Variants in FGGY observed in about 807,000 individuals in gnomAD.
FGGY encodes the protein FGGY carbohydrate kinase domain-containing protein.
FGGY carries 72 observed loss-of-function variants against 71.3 expected under a neutral mutation model. That is an observed-to-expected ratio of 1.01 (90% CI 0.84 to 1.23). The LOEUF is 1.23. FGGY is among the 50% of genes most tolerant of loss of function. The pLI is 0.00. For missense variants in FGGY, 668 were observed against 682.3 expected (o/e 0.98, Z 0.23); for synonymous variants, 251 against 250.3 (o/e 1.00, Z -0.02).
At chr1:59,464,347 C>T (rs1308839702) in intron 6 of FGGY, among the ~76,000 whole-genome samples, 1 of 152,186 alleles carries the variant, frequency 6.6e-6, no homozygotes, top group Non-Finnish European at 1.5e-5. Flanking sequence ...ACCAGAATCT[C>T]TGGGACACGT....
intron 14 of FGGY, among the ~76,000 whole-genome samples, chr1:59,720,008 C>A (rs9436182): frequency 0.77 from 117,640 of 152,076 alleles, 45,899 homozygotes; most frequent in Middle Eastern, 0.91. Context: ...AAGTCAAGGT[C>A]AGAGCAAAGT....
chr1:59,658,879 T>C (rs981785960), intron 11 of FGGY, among the ~76,000 whole-genome samples: 9 of 152,160 alleles, frequency 5.9e-5, no homozygotes, highest in African/African-American at 2.2e-4. Context: ...AGATCAAATG[T>C]ACAAAACTTT....
chr1:59,456,097 A>G (rs2091659394), intron 5 of FGGY, among the ~76,000 whole-genome samples: 1 of 152,158 alleles, frequency 6.6e-6, no homozygotes, highest in Non-Finnish European at 1.5e-5. Context: ...ACATGTAGCG[A>G]GAGTAGTATA....
chr1:59,568,113 G>A (rs373374512), intron 8 of FGGY, among the ~76,000 whole-genome samples: 35 of 152,146 alleles, frequency 2.3e-4, no homozygotes, highest in South Asian at 1.2e-3. Flanking sequence ...ACCTGTAATC[G>A]TGCATACTAA....
At chr1:59,447,435 A>G (rs1350021376) in intron 5 of FGGY, among the ~76,000 whole-genome samples, 1 of 152,166 alleles carries the variant, frequency 6.6e-6, no homozygotes, top group Non-Finnish European at 1.5e-5. Flanking sequence ...AAAAGCAGAT[A>G]CTGAATCAGT....
chr1:59,556,075 G>A (rs1283873382), intron 8 of FGGY, among the ~76,000 whole-genome samples: 3 of 152,234 alleles, frequency 2.0e-5, no homozygotes, highest in Non-Finnish European at 4.4e-5. Context: ...TGTCCCTGAA[G>A]GGAGAGATCT....
At chr1:59,712,239 C>G (rs1329723937) in intron 14 of FGGY, among the ~76,000 whole-genome samples, 2 of 152,258 alleles carry the variant, frequency 1.3e-5, no homozygotes, top group African/African-American at 4.8e-5. Flanking sequence ...AGGTCACACT[C>G]ATGCAAGATG....
intron 12 of FGGY, among the ~76,000 whole-genome samples, chr1:59,664,774 CTT>C (rs2097308567): frequency 6.6e-6 from 1 of 152,214 alleles, no homozygotes; most frequent in Non-Finnish European, 1.5e-5. Context: ...GAGCTGGACA[CTT>C]CTACAAGTTT....
chr1:59,537,083 T>C (rs1453891183), intron 7 of FGGY, among the ~76,000 whole-genome samples: 3 of 151,330 alleles, frequency 2.0e-5, no homozygotes, highest in African/African-American at 7.3e-5. Flanking sequence ...GACATGATTG[T>C]ATATCTAGAA....
At chr1:59,722,378 G>A (rs1445269646) in intron 14 of FGGY, among the ~76,000 whole-genome samples, 4 of 152,080 alleles carry the variant, frequency 2.6e-5, no homozygotes. Flanking sequence ...GTACTCTTTG[G>A]AAAGAAGTCA....
chr1:59,592,295 G>C (rs547080612), intron 8 of FGGY, among the ~76,000 whole-genome samples: 2 of 152,224 alleles, frequency 1.3e-5, no homozygotes, highest in East Asian at 3.9e-4. Context: ...ACAGGTGCTG[G>C]AGAGGATGTG....
intron 6 of FGGY, among the ~76,000 whole-genome samples, chr1:59,465,811 C>A (rs1005318175): frequency 1.4e-4 from 21 of 152,218 alleles, no homozygotes; most frequent in African/African-American, 5.1e-4. Context: ...ATGTGAAGTA[C>A]CTCTTCAAGG....
chr1:59,573,901 C>T (rs571576292), intron 8 of FGGY, among the ~76,000 whole-genome samples: 1 of 152,310 alleles, frequency 6.6e-6, no homozygotes, highest in South Asian at 2.1e-4. Flanking sequence ...TCAAGCTAAA[C>T]TGTTGAGCCT....
chr1:59,722,404 A>G (rs920721915), intron 14 of FGGY, among the ~76,000 whole-genome samples: 4 of 152,192 alleles, frequency 2.6e-5, no homozygotes, highest in Non-Finnish European at 5.9e-5. Context: ...CACATCTCAA[A>G]CTTAAGGAGT....
At chr1:59,731,957 C>T (rs74087821) in intron 14 of FGGY, among the ~76,000 whole-genome samples, 1,939 of 152,270 alleles carry the variant, frequency 0.013, 54 homozygotes, top group African/African-American at 0.044. Context: ...TTAAATCCTG[C>T]TCTCTCATTA....
rs1445308779 is a variant in FGGY, at chr1:59,374,825, G to A, written c.466-3924G>A. 9.9e-4 allele frequency among the ~76,000 whole-genome samples: 143 copies of A among 144,466 alleles called. 1 individual carries two copies. The highest frequency in any genetic ancestry group is 4.1e-3 in the East Asian group (20 of 4,910). The allele number at this position is 144,466 out of a possible 152,430, so 94.8% of individuals were successfully genotyped here. A position where few individuals can be genotyped will look rare whatever the true frequency, so the allele number is the denominator to read the frequency against. ...TCGCAAGAACAAAAAACCAAACACC[G>A]CATATTCTCACTCATAGGTGGGAAT... On this transcript the variant is annotated intron_variant, in intron 4 of 15. Coordinates refer to ENST00000303721, the MANE Select transcript of FGGY (RefSeq NM_018291.5).
At chr1:59,386,371 T>C (rs1434183098) in intron 5 of FGGY, among the ~76,000 whole-genome samples, 1 of 152,176 alleles carries the variant, frequency 6.6e-6, no homozygotes, top group African/African-American at 2.4e-5. Flanking sequence ...TGTTTTCTCA[T>C]GGTGAGACTT....
intron 8 of FGGY, among the ~76,000 whole-genome samples, chr1:59,607,327 C>T (rs2153816477): frequency 6.6e-6 from 1 of 152,326 alleles, no homozygotes; most frequent in South Asian, 2.1e-4. Context: ...AAAGACAGAA[C>T]AGAAGCACAC....
In FGGY at chr1:59,757,988, A is replaced by G; in HGVS notation, c.1570A>G (p.Lys524Glu). The G allele has an allele frequency of 6.2e-7, 1 of 1,611,738 alleles. No individual in the cohort carries two copies. Reference sequence around the variant, plus strand: ...AGTTGTGTTCCCGAGACTACAGGATAAAAAGTAAGTGTGTATTTTTTATAT... The same window carrying G: ...AGTTGTGTTCCCGAGACTACAGGATGAAAAGTAAGTGTGTATTTTTTATAT... ...GKVVFPRLQD[K>E]KYYDKKYQVF... is the part of the protein sequence containing the mutation. Residue 524 changes from lysine (K) to glutamate (E), a missense_variant, in exon 15 of 16, where the codon AAA becomes GAA. Physicochemically the swap from Lys to Glu is moderately conservative, Grantham distance 56 (BLOSUM62 1). Coordinates refer to ENST00000303721, the MANE Select transcript of FGGY (RefSeq NM_018291.5).
Sources: allele counts gnomAD v4.1 joint callset (sites outside exome capture counted in the v4.1 genomes callset), GRCh38; gene constraint gnomAD v4.1.1; transcripts MANE v1.5; gene names NCBI Gene and HGNC (gene_info 2026-07-23, HGNC 2026-07-21).